The following CPQ variants were observed in gnomAD, a reference collection of about 807,000 sequenced individuals.
CPQ encodes carboxypeptidase Q, also known as Ser-Met dipeptidase.
A neutral mutation model predicts 45.7 loss-of-function variants in CPQ; 37 were observed. The ratio of observed to expected loss-of-function variants is 0.81; its 90% CI spans 0.62 to 1.07. The LOEUF is 1.07. Ranked by LOEUF, CPQ falls within the 50% of genes least tolerant of loss-of-function variation. The pLI is 0.00. For missense variants in CPQ, 537 were observed against 572.9 expected (o/e 0.94, Z 0.64); for synonymous variants, 186 against 205.8 (o/e 0.90, Z 0.82).
chr8:96,923,516 C>T (rs187365282), intron 4 of CPQ, among the ~76,000 whole-genome samples: 134 of 152,242 alleles, frequency 8.8e-4, no homozygotes, highest in Admixed American at 2.6e-3. Flanking sequence ...CAATTCTCCT[C>T]TTATTTTATC....
chr8:96,998,685 A>G (rs1809217161), intron 5 of CPQ, among the ~76,000 whole-genome samples: 2 of 151,902 alleles, frequency 1.3e-5, no homozygotes, highest in Non-Finnish European at 2.9e-5. Context: ...GCTTTTCTGA[A>G]TGGGGAGATA....
At chr8:96,688,979 C>T (rs1319166736) in intron 1 of CPQ, among the ~76,000 whole-genome samples, 1 of 152,088 alleles carries the variant, frequency 6.6e-6, no homozygotes, top group African/African-American at 2.4e-5. Context: ...GTTGTTTCTT[C>T]TTGGTTACAT....
At chr8:96,825,791 C>T (rs1022385827) in intron 2 of CPQ, among the ~76,000 whole-genome samples, 4 of 151,946 alleles carry the variant, frequency 2.6e-5, no homozygotes, top group African/African-American at 9.7e-5. Context: ...CTAAGAAGAA[C>T]ATAAGACACA....
At chr8:96,692,701 T>C (rs72682308) in intron 1 of CPQ, among the ~76,000 whole-genome samples, 56,526 of 151,944 alleles carry the variant, frequency 0.37, 10,901 homozygotes, top group East Asian at 0.61. Flanking sequence ...CTTTCAAATA[T>C]TTGAAAAGCC....
intron 1 of CPQ, among the ~76,000 whole-genome samples, chr8:96,696,469 A>T (rs1809385688): frequency 6.6e-6 from 1 of 152,080 alleles, no homozygotes; most frequent in Admixed American, 6.6e-5. Flanking sequence ...AAAGAACTAG[A>T]AAAGCAAGAG....
intron 1 of CPQ, among the ~76,000 whole-genome samples, chr8:96,768,927 G>A (rs1450699239): frequency 3.3e-5 from 5 of 152,300 alleles, no homozygotes; most frequent in Admixed American, 6.5e-5. Context: ...TTTAGAGGAA[G>A]ATAACATGGG....
In CPQ at chr8:96,817,168, G is replaced by A. The variant is rs1263781186; in HGVS notation, c.434-17805G>A. ...TTGAAAATCTGTTGTTCAGCGTAGT[G>A]ACATACCTCAATGGTCTTAACTGGG... On this transcript the variant is annotated intron_variant, in intron 2 of 7. Coordinates refer to ENST00000220763, the MANE Select transcript of CPQ (RefSeq NM_016134.4). 3.3e-5 allele frequency among the ~76,000 whole-genome samples: 5 copies of A among 152,232 alleles called. No individual in the cohort carries two copies. The South Asian group carries it at 1.0e-3, about 32-fold the overall frequency.
At chr8:96,982,649 C>G (rs956961316) in intron 5 of CPQ, among the ~76,000 whole-genome samples, 5 of 152,164 alleles carry the variant, frequency 3.3e-5, no homozygotes, top group African/African-American at 1.2e-4. Context: ...GGCCTCATCC[C>G]AGTCTTCTTA....
chr8:96,710,278 C>T (rs187879437), intron 1 of CPQ, among the ~76,000 whole-genome samples: 3 of 151,776 alleles, frequency 2.0e-5, no homozygotes, highest in African/African-American at 7.3e-5. Flanking sequence ...AATCTTCTCT[C>T]TTCTGTTTTG....
intron 2 of CPQ, among the ~76,000 whole-genome samples, chr8:96,803,776 C>T (rs1169886498): frequency 6.6e-6 from 1 of 152,202 alleles, no homozygotes; most frequent in East Asian, 1.9e-4. Context: ...AATACTGCCA[C>T]AACAGTGATC....
At chr8:97,023,758 A>G (rs10955094) in intron 5 of CPQ, among the ~76,000 whole-genome samples, 104,242 of 152,012 alleles carry the variant, frequency 0.69, 35,832 homozygotes, top group African/African-American at 0.75. Flanking sequence ...AAGTCTCCAC[A>G]GGGCTTATTA....
At chr8:96,950,665 G>C (rs1049933901) in intron 4 of CPQ, among the ~76,000 whole-genome samples, 1 of 152,010 alleles carries the variant, frequency 6.6e-6, no homozygotes, top group Non-Finnish European at 1.5e-5. Context: ...CTTTTACCAA[G>C]AACATACACC....
chr8:96,655,159 T>C (rs1815623990), intron 1 of CPQ, among the ~76,000 whole-genome samples: 1 of 152,120 alleles, frequency 6.6e-6, no homozygotes, highest in East Asian at 1.9e-4. Flanking sequence ...AAAATATACT[T>C]TCTGGCCATT....
intron 3 of CPQ, among the ~76,000 whole-genome samples, chr8:96,874,600 C>CT (rs148001119): frequency 0.04 from 6,022 of 151,846 alleles, 198 homozygotes; most frequent in African/African-American, 0.082. Context: ...AATATATGGT[C>CT]TTTTTTGACT....
At chr8:96,786,921 C>T (rs1331806520) in intron 2 of CPQ, among the ~76,000 whole-genome samples, 2 of 152,050 alleles carry the variant, frequency 1.3e-5, no homozygotes, top group Non-Finnish European at 2.9e-5. Context: ...ATTGTATATA[C>T]AAGTCCCTTT....
intron 7 of CPQ, among the ~76,000 whole-genome samples, chr8:97,119,443 T>TA (rs34411965): frequency 0.42 from 60,305 of 143,892 alleles, 12,923 homozygotes; most frequent in African/African-American, 0.56. Flanking sequence ...TCTTACACTG[T>TA]AAAAAAAAAA....
rs191444007 is a variant in CPQ at position 96,650,040 on chromosome 8, A to G, written c.-35+4638A>G. On this transcript the variant is annotated intron_variant, in intron 1 of 7. Coordinates refer to ENST00000220763, the MANE Select transcript of CPQ (RefSeq NM_016134.4). ...TCTGAAGACACAGGTATAGGCAGAT[A>G]TGAAATACAGAGAAGAAATTTGAGC... Among the ~76,000 whole-genome samples, 271 of 152,368 alleles carry G rather than the reference A, an allele frequency of 1.8e-3. 4 individuals are homozygous for G. Among genetic ancestry groups the G allele is most frequent in the Admixed American group, 0.013 (194 of 15,310 alleles).
At chr8:96,849,599 A>G (rs1313327061) in intron 3 of CPQ, among the ~76,000 whole-genome samples, 1 of 152,188 alleles carries the variant, frequency 6.6e-6, no homozygotes, top group East Asian at 1.9e-4. Context: ...GTGCTGCTCC[A>G]TATGTTGGGA....
chr8:96,933,930 G>C (rs945153290), intron 4 of CPQ, among the ~76,000 whole-genome samples: 9 of 152,236 alleles, frequency 5.9e-5, no homozygotes, highest in African/African-American at 1.7e-4. Flanking sequence ...TATAAAATGC[G>C]AATAGTGCTA....
Sources: gnomAD v4.1 joint callset for allele counts (sites outside exome capture counted in the v4.1 genomes callset) on GRCh38, gnomAD v4.1.1 for gene constraint, MANE v1.5 for transcripts, NCBI Gene and HGNC (gene_info 2026-07-23, HGNC 2026-07-21) for gene names.